Variants in NIPAL2 observed in about 807,000 individuals in gnomAD.
NIPAL2 encodes NIPA-like protein 2.
NIPAL2 carries 43 observed loss-of-function variants against 48.9 expected under a neutral mutation model. The observed-to-expected ratio is 0.88, with a 90% CI of 0.69 to 1.13. The LOEUF (loss-of-function observed/expected upper bound fraction) is 1.13. NIPAL2 is among the 50% of genes most tolerant of loss of function. The pLI is 0.00. For missense variants in NIPAL2, 446 were observed against 461.4 expected (o/e 0.97, Z 0.31); for synonymous variants, 167 against 174.6 (o/e 0.96, Z 0.34).
intron 4 of NIPAL2, among the ~76,000 whole-genome samples, chr8:98,223,741 C>G (rs1039262383): frequency 1.3e-5 from 2 of 152,166 alleles, no homozygotes; most frequent in Non-Finnish European, 2.9e-5. Flanking sequence ...AAGGAAGTTT[C>G]CTATAATGTA....
Position 98,227,292 on chromosome 8 carries a change from T to C in NIPAL2, c.437-4692A>G, listed in dbSNP as rs1812224365. Among the ~76,000 whole-genome samples, 6 of 152,278 alleles carry C rather than the reference T, an allele frequency of 3.9e-5. No individual in the cohort carries two copies. The South Asian group carries it at 1.2e-3, about 32-fold the overall frequency. ...AAGCTGCAAGACAAAATCATTTTTATTCATTCATCTCCTTTTCTTAAGCAA... is the reference window on the plus strand; with the variant it reads ...AAGCTGCAAGACAAAATCATTTTTACTCATTCATCTCCTTTTCTTAAGCAA... On this transcript the variant is annotated intron_variant, in intron 4 of 10. Coordinates refer to ENST00000430223, the MANE Select transcript of NIPAL2 (RefSeq NM_001321635.2).
At position 98,268,691 on chromosome 8, in the gene NIPAL2, A is replaced by G. The variant is rs534509595; in HGVS notation, c.136-14604T>C. Among the ~76,000 whole-genome samples, 7 of 152,122 alleles carry G rather than the reference A, an allele frequency of 4.6e-5. No individual in the cohort carries two copies. In the East Asian group the frequency reaches 1.4e-3, roughly 29 times the overall value. ...AAAGTAGGAATGAGCAAAATTATAC[A>G]GGCTTACCTCAGAGATATTGCAGGT... On this transcript the variant is annotated intron_variant, in intron 1 of 10. Coordinates refer to ENST00000430223, the MANE Select transcript of NIPAL2 (RefSeq NM_001321635.2).
At chr8:98,276,220 C>T (rs1210773437) in intron 1 of NIPAL2, among the ~76,000 whole-genome samples, 1 of 152,116 alleles carries the variant, frequency 6.6e-6, no homozygotes, top group Non-Finnish European at 1.5e-5. Flanking sequence ...GTTTCACTGC[C>T]CTAAAAATCC....
At chr8:98,234,845 T>A (rs942832531) in intron 4 of NIPAL2, among the ~76,000 whole-genome samples, 1 of 151,934 alleles carries the variant, frequency 6.6e-6, no homozygotes, top group Admixed American at 6.6e-5. Flanking sequence ...AGCCACTGCA[T>A]CAGGCATTGG....
intron 8 of NIPAL2, among the ~76,000 whole-genome samples, chr8:98,202,323 C>A (rs187657977): frequency 9.9e-5 from 15 of 152,100 alleles, no homozygotes; most frequent in African/African-American, 3.4e-4. Flanking sequence ...GCATGTATGG[C>A]CCAGAGACAA....
At chr8:98,276,704 G>A (rs999512535) in intron 1 of NIPAL2, among the ~76,000 whole-genome samples, 2 of 151,576 alleles carry the variant, frequency 1.3e-5, no homozygotes, top group African/African-American at 2.4e-5. Context: ...CATTATTATT[G>A]TTCCATACAG....
Position 98,203,146 on chromosome 8 carries a change from A to G in NIPAL2, c.842T>C (p.Val281Ala), listed in dbSNP as rs1214000413. Residue 281 changes from valine to alanine, a missense_variant, in exon 8 of 11, where the codon GTT (valine) becomes GCT (alanine). Val to Ala is a moderately conservative substitution (Grantham distance 64, BLOSUM62 0). Transcript: ENST00000430223. ...KLYNTTTVVP[V>A]NHIFFTISAI... ...ACTGATTGTAAAGAAAATATGATTAACTGGCACCACTGTTGTCGTATTGTA... is the reference window on the plus strand; with the variant it reads ...ACTGATTGTAAAGAAAATATGATTAGCTGGCACCACTGTTGTCGTATTGTA... 1.2e-6 allele frequency: 2 copies of G among 1,614,108 alleles called. No individual in the cohort carries two copies. Among genetic ancestry groups the G allele is most frequent in the Middle Eastern group, 1.6e-4 (1 of 6,062 alleles).
intron 5 of NIPAL2, among the ~76,000 whole-genome samples, chr8:98,218,963 G>C (rs970070938): frequency 2.0e-5 from 3 of 152,208 alleles, no homozygotes; most frequent in African/African-American, 7.2e-5. Flanking sequence ...CCAAACAAGA[G>C]ATGGTGGAAG....
At chr8:98,216,363 T>C (rs947218580) in intron 5 of NIPAL2, among the ~76,000 whole-genome samples, 6 of 152,184 alleles carry the variant, frequency 3.9e-5, no homozygotes, top group African/African-American at 7.2e-5. Flanking sequence ...ATACGGCCAG[T>C]ATGCAGGTAA....
chr8:98,227,095 T>G (rs1812216121), intron 4 of NIPAL2, among the ~76,000 whole-genome samples: 1 of 151,998 alleles, frequency 6.6e-6, no homozygotes, highest in Non-Finnish European at 1.5e-5. Context: ...GCCCAAAGGC[T>G]CTTCAGTCAG....
intron 1 of NIPAL2, among the ~76,000 whole-genome samples, chr8:98,260,905 G>C (rs1053818690): frequency 6.6e-6 from 1 of 151,286 alleles, no homozygotes; most frequent in Non-Finnish European, 1.5e-5. Context: ...GAGAGCAGTG[G>C]TTCTCCCAGC....
At chr8:98,261,068 C>T (rs1215765339) in intron 1 of NIPAL2, among the ~76,000 whole-genome samples, 12 of 151,970 alleles carry the variant, frequency 7.9e-5, no homozygotes, top group African/African-American at 2.7e-4. Context: ...GCTGAGGGTC[C>T]TGTCTGTTAG....
At chr8:98,242,629 G>A (rs1290669400) in intron 3 of NIPAL2, among the ~76,000 whole-genome samples, 1 of 151,866 alleles carries the variant, frequency 6.6e-6, no homozygotes, top group Non-Finnish European at 1.5e-5. Context: ...GGGGCTATAG[G>A]AGCCCACCAC....
At chr8:98,219,800 G>T (rs1027740367) in intron 5 of NIPAL2, among the ~76,000 whole-genome samples, 1 of 151,996 alleles carries the variant, frequency 6.6e-6, no homozygotes, top group African/African-American at 2.4e-5. Flanking sequence ...AAATCTGACC[G>T]GTGAGCCCCC....
intron 4 of NIPAL2, among the ~76,000 whole-genome samples, chr8:98,229,299 T>C (rs1812324952): frequency 6.6e-6 from 1 of 152,208 alleles, no homozygotes; most frequent in South Asian, 2.1e-4. Flanking sequence ...GCAAAACAGG[T>C]AAACAAGCAA....
At chr8:98,293,296 A>C (rs1816589427) in intron 1 of NIPAL2, among the ~76,000 whole-genome samples, 1 of 152,208 alleles carries the variant, frequency 6.6e-6, no homozygotes, top group Non-Finnish European at 1.5e-5. Context: ...TGCTAGAGGA[A>C]GGGCTGGCCA....
intron 1 of NIPAL2, among the ~76,000 whole-genome samples, chr8:98,293,764 T>G (rs1816614543): frequency 6.6e-6 from 1 of 152,210 alleles, no homozygotes; most frequent in Admixed American, 6.5e-5. Flanking sequence ...GCCGAAGACC[T>G]GGGCGCCCAC....
chr8:98,246,142 A>C (rs1813296786), intron 3 of NIPAL2, among the ~76,000 whole-genome samples: 2 of 152,208 alleles, frequency 1.3e-5, no homozygotes, highest in African/African-American at 4.8e-5. Flanking sequence ...TTCTAATAAA[A>C]ATCTTGGAGA....
At chr8:98,256,486 A>G (rs1813901034) in intron 1 of NIPAL2, among the ~76,000 whole-genome samples, 1 of 152,210 alleles carries the variant, frequency 6.6e-6, no homozygotes, top group African/African-American at 2.4e-5. Context: ...AAAATGGGCA[A>G]AGGACTTGAA....
Sources: allele counts gnomAD v4.1 joint callset (sites outside exome capture counted in the v4.1 genomes callset), GRCh38; gene constraint gnomAD v4.1.1; transcripts MANE v1.5; gene names NCBI Gene and HGNC (gene_info 2026-07-23, HGNC 2026-07-21).